Variants in SSX1 observed in about 807,000 individuals in gnomAD.
The protein encoded by SSX1 is protein SSX1.
A neutral mutation model predicts 14.6 loss-of-function variants in SSX1; 58 were observed. The observed-to-expected ratio is 3.96, with a 90% confidence interval of 3.21 to 4.93. The LOEUF is 4.93. SSX1 is among the 30% of genes most tolerant of loss of function. The pLI is 0.00. For missense variants in SSX1, 272 were observed against 143.1 expected, an observed-to-expected ratio of 1.90 and a Z score of -4.60; for synonymous variants, 46 against 52.1, an observed-to-expected ratio of 0.88 and a Z score of 0.50.
In SSX1 at chrX:48,257,849, T is replaced by A. The variant is rs782178412; in HGVS notation, c.173T>A (p.Met58Lys). The A allele has an allele frequency of 1.7e-6, 2 of 1,172,356 alleles. No homozygotes were observed. The highest frequency in any genetic ancestry group is 2.3e-6 in the Non-Finnish European group (2 of 865,283). ...TATATGAAGAGAAACTATAAGGCCATGACTAAACTAGGTAACAGAAAGTTC... is the reference window on the plus strand; with the variant it reads ...TATATGAAGAGAAACTATAAGGCCAAGACTAAACTAGGTAACAGAAAGTTC... ...YVYMKRNYKA[M>K]TKLGFKVTLP... Residue 58 changes from methionine (M) to lysine (K), a missense_variant, in exon 3 of 8, where the codon ATG (methionine) becomes AAG (lysine). Coordinates refer to ENST00000376919, the MANE Select transcript of SSX1 (RefSeq NM_005635.4).
At chrX:48,261,838 G>A in intron 5 of SSX1, 23 bp downstream of exon 5, 1 of 1,206,955 alleles carries the variant, frequency 8.3e-7, no homozygotes, top group South Asian at 1.8e-5. Context: ...CAAATCTAAA[G>A]GACCAGAGAA....
chrX:48,255,747 C>A (rs1419790458), intron 1 of SSX1, among the ~76,000 whole-genome samples: 1 of 105,366 alleles, frequency 9.5e-6, no homozygotes, highest in African/African-American at 3.5e-5. Context: ...AGGCACGAAC[C>A]ACCCCACCCT....
At chrX:48,258,863 A>C (rs2059593748) in intron 4 of SSX1, among the ~76,000 whole-genome samples, 1 of 111,855 alleles carries the variant, frequency 8.9e-6, no homozygotes, top group Admixed American at 9.5e-5. Flanking sequence ...ATAAAAACAT[A>C]AATGCGAATA....
intron 5 of SSX1, among the ~76,000 whole-genome samples, chrX:48,263,130 C>CA (rs569242737): frequency 0.074 from 6,692 of 90,678 alleles, 300 homozygotes; most frequent in East Asian, 0.25. Context: ...GAGACTTTGT[C>CA]AAAAAAAAAA....
At chrX:48,266,549 T>G (rs1162789144) in intron 7 of SSX1, among the ~76,000 whole-genome samples, 158 bp downstream of exon 7, 1 of 111,950 alleles carries the variant, frequency 8.9e-6, no homozygotes, top group Non-Finnish European at 1.9e-5. Flanking sequence ...CCCATGCTCT[T>G]TCTACTCCCT....
chrX:48,260,440 G>T (rs1367526679), intron 4 of SSX1, among the ~76,000 whole-genome samples: 3 of 111,808 alleles, frequency 2.7e-5, no homozygotes, highest in Non-Finnish European at 5.6e-5. Flanking sequence ...TTGCTGTGCA[G>T]AAGCTCTTTA....
At chrX:48,266,550 T>C (rs1474804091) in intron 7 of SSX1, among the ~76,000 whole-genome samples, 159 bp downstream of exon 7, 1 of 111,955 alleles carries the variant, frequency 8.9e-6, no homozygotes, top group East Asian at 2.8e-4. Context: ...CCATGCTCTT[T>C]CTACTCCCTA....
intron 3 of SSX1, among the ~76,000 whole-genome samples, chrX:48,258,235 A>T (rs2059590808): frequency 1.2e-5 from 1 of 84,956 alleles, no homozygotes. Context: ...TCTGTCACCT[A>T]GGCTAGAGTG....
intron 6 of SSX1, among the ~76,000 whole-genome samples, chrX:48,266,058 T>C (rs1353671838): frequency 8.9e-6 from 1 of 111,827 alleles, no homozygotes; most frequent in Non-Finnish European, 1.9e-5. Flanking sequence ...AGGTTGGTAA[T>C]CTAAACGTCA....
intron 2 of SSX1, 118 bp downstream of exon 2, chrX:48,257,428 T>A: frequency 8.6e-7 from 1 of 1,167,403 alleles, no homozygotes; most frequent in Non-Finnish European, 1.1e-6. Flanking sequence ...GGGGGAGATC[T>A]GGACCCTTGG....
chrX:48,260,538 A>G (rs1325028865), intron 4 of SSX1, among the ~76,000 whole-genome samples: 1 of 111,762 alleles, frequency 8.9e-6, no homozygotes, highest in African/African-American at 3.3e-5. Context: ...AGAAGGAAAT[A>G]AAGGGTATTC....
intron 6 of SSX1, among the ~76,000 whole-genome samples, chrX:48,265,950 A>G (rs2059621456): frequency 8.9e-6 from 1 of 112,048 alleles, no homozygotes; most frequent in Non-Finnish European, 1.9e-5. Flanking sequence ...GCATAGCACT[A>G]TAAAAATGAG....
chrX:48,260,056 A>G (rs1470150401), intron 4 of SSX1, among the ~76,000 whole-genome samples: 1 of 98,548 alleles, frequency 1.0e-5, no homozygotes, highest in Non-Finnish European at 2.1e-5. Flanking sequence ...GAACTAGTTT[A>G]CAGTCCCACC....
chrX:48,266,164 A>T, intron 6 of SSX1, 123 bp from the exon 7 acceptor site: 1 of 1,107,553 alleles, frequency 9.0e-7, no homozygotes, highest in Non-Finnish European at 1.2e-6. Flanking sequence ...AGAATGTGAA[A>T]AACTGGATAA....
intron 2 of SSX1, 56 bp downstream of exon 2, chrX:48,257,366 A>T (rs1423038205): frequency 8.4e-7 from 1 of 1,190,426 alleles, no homozygotes; most frequent in African/African-American, 1.8e-5. Context: ...TAGGGTGACC[A>T]GGTTTCTGAG....
chrX:48,262,149 G>A (rs1189961093), intron 5 of SSX1, among the ~76,000 whole-genome samples: 2 of 112,395 alleles, frequency 1.8e-5, no homozygotes, highest in Non-Finnish European at 3.7e-5. Context: ...TAAAAGCCAT[G>A]TGACTTGGCA....
At chrX:48,257,141 T>G in intron 1 of SSX1, 81 bp from the exon 2 acceptor site, 2 of 901,003 alleles carry the variant, frequency 2.2e-6, no homozygotes, top group Non-Finnish European at 3.2e-6. Flanking sequence ...GGTGACTGAG[T>G]GTGGCCGGGC....
At chrX:48,259,812 T>C (rs1447031243) in intron 4 of SSX1, among the ~76,000 whole-genome samples, 10 of 101,171 alleles carry the variant, frequency 9.9e-5, no homozygotes, top group Admixed American at 2.1e-4. Context: ...TAGTATTCCA[T>C]GGTGTATATG....
chrX:48,258,253 G>A (rs1556934844), intron 3 of SSX1, among the ~76,000 whole-genome samples: 1 of 93,273 alleles, frequency 1.1e-5, no homozygotes. Context: ...GTGTAGTAGT[G>A]CAATCATAGC....
Sources: allele counts gnomAD v4.1 joint callset (sites outside exome capture counted in the v4.1 genomes callset), GRCh38; gene constraint gnomAD v4.1.1; transcripts MANE v1.5; gene names NCBI Gene and HGNC (gene_info 2026-07-23, HGNC 2026-07-21).